The following HPCAL1 variants were observed in gnomAD, a reference collection of about 807,000 sequenced individuals.
HPCAL1 encodes the protein hippocalcin like 1.
HPCAL1 carries 8 observed loss-of-function variants against 17.1 expected under a neutral mutation model. That is an observed-to-expected ratio of 0.47 (90% CI 0.27 to 0.84). The LOEUF is 0.84. Ranked by LOEUF, HPCAL1 falls within the 40% of genes least tolerant of loss-of-function variation. The pLI, the probability that HPCAL1 is intolerant of heterozygous loss-of-function variation, is 0.13. For missense variants in HPCAL1, 165 were observed against 271.1 expected, an observed-to-expected ratio of 0.61 and a Z score of 2.75; for synonymous variants, 112 against 111.4, an observed-to-expected ratio of 1.01 and a Z score of -0.03.
chr2:10,370,711 C>A (rs761030420), intron 1 of HPCAL1, among the ~76,000 whole-genome samples: 6 of 152,222 alleles, frequency 3.9e-5, no homozygotes, highest in Non-Finnish European at 8.8e-5. Context: ...TGTTTTGGAG[C>A]CACCCATACA....
intron 1 of HPCAL1, among the ~76,000 whole-genome samples, chr2:10,364,238 C>A (rs1427000745): frequency 6.6e-6 from 1 of 152,190 alleles, no homozygotes; most frequent in Non-Finnish European, 1.5e-5. Flanking sequence ...GAGCTGGGCC[C>A]AGAGCCCCCA....
chr2:10,357,515 C>T (rs2125478528), intron 1 of HPCAL1, among the ~76,000 whole-genome samples: 1 of 152,300 alleles, frequency 6.6e-6, no homozygotes, highest in South Asian at 2.1e-4. Flanking sequence ...CAGAATTCTG[C>T]TCTGATTGGC....
intron 1 of HPCAL1, among the ~76,000 whole-genome samples, chr2:10,316,413 T>G (rs1275402535): frequency 2.0e-5 from 3 of 152,198 alleles, no homozygotes; most frequent in Non-Finnish European, 4.4e-5. Flanking sequence ...CTGGCGATGA[T>G]CCTTCTTTTT....
At chr2:10,356,696 G>A (rs1303115082) in intron 1 of HPCAL1, among the ~76,000 whole-genome samples, 1 of 152,176 alleles carries the variant, frequency 6.6e-6, no homozygotes, top group Non-Finnish European at 1.5e-5. Context: ...CCCCCAGTGT[G>A]TAAGTCAGGG....
At chr2:10,402,784 G>A (rs1324987744) in intron 2 of HPCAL1, among the ~76,000 whole-genome samples, 2 of 152,112 alleles carry the variant, frequency 1.3e-5, no homozygotes, top group East Asian at 3.8e-4. Context: ...GTGGACACCA[G>A]GCAGGCACCT....
At position 10,399,244 on chromosome 2, in the gene HPCAL1, C is replaced by T. The variant is rs866074114; in HGVS notation, c.-25+2324C>T. 3.6e-3 allele frequency among the ~76,000 whole-genome samples: 294 copies of T among 82,738 alleles called. 2 individuals are homozygous for T. Among genetic ancestry groups the T allele is most frequent in the African/African-American group, 7.9e-3 (173 of 21,862 alleles). 54.3% of individuals were successfully genotyped at this position (82,738 alleles called of 152,430 possible). A position where few individuals can be genotyped will look rare whatever the true frequency, so the allele number is the denominator to read the frequency against. ...ACCACCACCACCACCACCACCATCA[C>T]CACCACCACCACCACCATCACCACC... is the stretch of plus-strand genomic sequence containing the variant. On this transcript the variant is annotated intron_variant, in intron 2 of 4. Coordinates refer to ENST00000307845, the MANE Select transcript of HPCAL1 (RefSeq NM_002149.4).
chr2:10,328,696 A>G (rs1355989756), intron 1 of HPCAL1, among the ~76,000 whole-genome samples: 3 of 151,866 alleles, frequency 2.0e-5, no homozygotes, highest in Non-Finnish European at 2.9e-5. Context: ...AGGTCTTGCG[A>G]CTCTTCAGCC....
At chr2:10,408,958 G>T (rs750220761) in intron 2 of HPCAL1, among the ~76,000 whole-genome samples, 7 of 152,126 alleles carry the variant, frequency 4.6e-5, no homozygotes, top group Non-Finnish European at 1.0e-4. Flanking sequence ...TTCTATAGCC[G>T]CATTGAAAAG....
At chr2:10,376,929 A>C (rs1667606384) in intron 1 of HPCAL1, among the ~76,000 whole-genome samples, 1 of 145,374 alleles carries the variant, frequency 6.9e-6, no homozygotes, top group African/African-American at 2.6e-5. Flanking sequence ...AGTACAATAC[A>C]TACCGTATTG....
intron 1 of HPCAL1, among the ~76,000 whole-genome samples, chr2:10,390,854 G>A (rs1668643814): frequency 1.3e-5 from 2 of 152,224 alleles, no homozygotes; most frequent in Non-Finnish European, 2.9e-5. Flanking sequence ...ACTGTGACCT[G>A]CAGTGCCCAT....
chr2:10,398,203 A>G (rs1669184194), intron 2 of HPCAL1, among the ~76,000 whole-genome samples: 1 of 152,156 alleles, frequency 6.6e-6, no homozygotes, highest in Non-Finnish European at 1.5e-5. Flanking sequence ...ACATTTGGGG[A>G]CAGAGCCCCA....
rs1457286640 is a variant in HPCAL1 at position 10,384,455 on chromosome 2, C to G, written c.-110-12380C>G. On this transcript the variant is annotated intron_variant, in intron 1 of 4. Coordinates refer to ENST00000307845, the MANE Select transcript of HPCAL1 (RefSeq NM_002149.4). The surrounding 1 kb of genome is among the most constrained non-coding windows in gnomAD (Gnocchi z 4.4). ...TCCCCTCGCTCACACTCACTACTGC[C>G]CTCCACAAACTGCCATGCTTGCTTG... Among the ~76,000 whole-genome samples, 1 of 152,218 alleles carries G rather than the reference C, an allele frequency of 6.6e-6. No individual in the cohort carries two copies. The highest frequency in any genetic ancestry group is 2.4e-5 in the African/African-American group (1 of 41,458).
chr2:10,391,838 C>T (rs1260095259), intron 1 of HPCAL1, among the ~76,000 whole-genome samples: 1 of 152,076 alleles, frequency 6.6e-6, no homozygotes, highest in Non-Finnish European at 1.5e-5. Flanking sequence ...AACCTCTGCC[C>T]CTCCAGGTTT....
intron 1 of HPCAL1, among the ~76,000 whole-genome samples, chr2:10,322,420 A>C (rs925171192): frequency 1.3e-5 from 2 of 152,212 alleles, no homozygotes; most frequent in Non-Finnish European, 2.9e-5. Context: ...CGAAAACCCC[A>C]GCAGGACAGC....
At chr2:10,370,944 C>T in intron 1 of HPCAL1, among the ~76,000 whole-genome samples, 1 of 152,230 alleles carries the variant, frequency 6.6e-6, no homozygotes, top group East Asian at 1.9e-4. Context: ...ACGGGGCAGC[C>T]CCCTTCACCT....
rs1158248979 is a variant in HPCAL1, at chr2:10,330,301, A to G, written c.-111+27124A>G. ...TTTTTGGTGGATGTTTGCAATTCCC[A>G]GAATGCTTATTCTTATTTAGTCCTC... On this transcript the variant is annotated intron_variant, in intron 1 of 4. Transcript: ENST00000307845. This position sits in a 1 kb window ranked among gnomAD's most constrained non-coding sequence, Gnocchi z 4.2. 6.6e-6 allele frequency: 1 copy of G among 152,180 alleles called. No homozygotes were observed. Among genetic ancestry groups the G allele is most frequent in the East Asian group, 1.9e-4 (1 of 5,190 alleles). The allele number at this position is 152,180 out of a possible 1,614,324, so 9.4% of individuals were successfully genotyped here. A position where few individuals can be genotyped will look rare whatever the true frequency, so the allele number is the denominator to read the frequency against.
chr2:10,394,747 G>T lies in HPCAL1; in HGVS notation c.-110-2088G>T, dbSNP rs1668909876. ...GCCGGGAGTGGTGTAAGGGGTGTGT[G>T]GGAACTTTCTGCTCAATTTTGTTGG... On this transcript the variant is annotated intron_variant, in intron 1 of 4. Transcript: ENST00000307845. This position sits in a 1 kb window ranked among gnomAD's most constrained non-coding sequence, Gnocchi z 5.0. Among the ~76,000 whole-genome samples the T allele has an allele frequency of 6.6e-6, 1 of 151,942 alleles. No individual in the cohort carries two copies. Among genetic ancestry groups the T allele is most frequent in the South Asian group, 2.1e-4 (1 of 4,800 alleles).
In HPCAL1 at chr2:10,355,674, T is replaced by C. The variant is rs181674327; in HGVS notation, c.-110-41161T>C. ...GAGCGGCTGGGAAAATCAAGAACTG[T>C]GTCACCTCCTCCGTTCTTGCCCACT... On this transcript the variant is annotated intron_variant, in intron 1 of 4. Transcript: ENST00000307845. Among the ~76,000 whole-genome samples the C allele has an allele frequency of 1.8e-3, 280 of 152,148 alleles. 3 individuals carry two copies. The highest frequency in any genetic ancestry group is 6.6e-3 in the African/African-American group (272 of 41,506).
rs931607141 is a variant in HPCAL1, at chr2:10,394,827, T to C, written c.-110-2008T>C. Reference sequence around the variant, plus strand: ...TATTTTATTTTTTTGAGACAACATTTCACTGTCACCCAGGCTGGAGTGCAG... The same window carrying C: ...TATTTTATTTTTTTGAGACAACATTCCACTGTCACCCAGGCTGGAGTGCAG... On this transcript the variant is annotated intron_variant, in intron 1 of 4. Coordinates refer to ENST00000307845, the MANE Select transcript of HPCAL1 (RefSeq NM_002149.4). This position sits in a 1 kb window ranked among gnomAD's most constrained non-coding sequence, Gnocchi z 5.0. 6.6e-6 allele frequency among the ~76,000 whole-genome samples: 1 copy of C among 152,076 alleles called. No individual in the cohort carries two copies. Among genetic ancestry groups the C allele is most frequent in the African/African-American group, 2.4e-5 (1 of 41,396 alleles).
Sources: gnomAD v4.1 joint callset for allele counts (sites outside exome capture counted in the v4.1 genomes callset) on GRCh38, gnomAD v4.1.1 for gene constraint, Gnocchi (gnomAD v3.1) non-coding constraint, MANE v1.5 for transcripts, NCBI Gene and HGNC (gene_info 2026-07-23, HGNC 2026-07-21) for gene names.